Variants in CATSPERD observed in about 807,000 individuals in gnomAD.
CATSPERD encodes the protein catsper channel auxiliary subunit delta.
Under a neutral mutation model 98.1 loss-of-function variants are expected in CATSPERD, and 86 were observed. The observed-to-expected ratio is 0.88, with a 90% CI of 0.74 to 1.05. CATSPERD has a LOEUF of 1.05. CATSPERD is among the 50% of genes least tolerant of loss of function. The pLI is 0.00. For synonymous variants in CATSPERD, 394 were observed against 390.2 expected, an observed-to-expected ratio of 1.01 and a Z score of -0.12; for missense variants, 995 against 1,005.7, an observed-to-expected ratio of 0.99 and a Z score of 0.14.
At chr19:5,750,255 T>C (rs369707780) in intron 11 of CATSPERD, among the ~76,000 whole-genome samples, 18 of 149,862 alleles carry the variant, frequency 1.2e-4, no homozygotes, top group South Asian at 2.1e-4. Flanking sequence ...GTGACCATCC[T>C]GGCTAACACG....
Position 5,720,637 on chromosome 19 carries a change from A to ATT in CATSPERD, c.-100_-99dup, listed in dbSNP as rs1009156007. ...GCGCGGAGGCCCGCTCCCGGGACTC[A>ATT]TTGATGCGCATGCGCAGGGCTTCAG... is the stretch of plus-strand genomic sequence containing the variant. On this transcript the variant is annotated 5_prime_UTR_variant, in exon 1 of 22. Coordinates refer to ENST00000381624, the MANE Select transcript of CATSPERD (RefSeq NM_152784.4). 8.4e-7 allele frequency: 1 copy of ATT among 1,192,588 alleles called. No individual in the cohort carries two copies. The highest frequency in any genetic ancestry group is 1.5e-5 in the African/African-American group (1 of 66,468). 73.9% of individuals were successfully genotyped at this position (1,192,588 alleles called of 1,614,324 possible).
Position 5,761,469 on chromosome 19 carries a change from A to C in CATSPERD, c.1428-1746A>C, listed in dbSNP as rs58364693. ...GCTGGCTGGCTGCCTGGCTGGCTGG[A>C]TGGTGTATTAGTCTGTTTTCACAGT... On this transcript the variant is annotated intron_variant, in intron 15 of 21. Coordinates refer to ENST00000381624, the MANE Select transcript of CATSPERD (RefSeq NM_152784.4). 6.6e-3 allele frequency among the ~76,000 whole-genome samples: 978 copies of C among 147,236 alleles called. 9 individuals carry two copies. Among genetic ancestry groups the C allele is most frequent in the East Asian group, 0.022 (107 of 4,794 alleles).
chr19:5,768,260 C>G lies in CATSPERD; in HGVS notation c.1634+18C>G, dbSNP rs748756950. 4.4e-6 allele frequency: 7 copies of G among 1,607,928 alleles called. No homozygotes were observed. Among genetic ancestry groups the G allele is most frequent in the African/African-American group, 1.3e-5 (1 of 74,822 alleles). Reference sequence around the variant, plus strand: ...ATCGAGAAGTAAGCCAGCGTCCCCCCGCAACACCTGACACCCAAGGCGACC... The same window carrying G: ...ATCGAGAAGTAAGCCAGCGTCCCCCGGCAACACCTGACACCCAAGGCGACC... On this transcript the variant is annotated intron_variant, in intron 18 of 21. Coordinates refer to ENST00000381624, the MANE Select transcript of CATSPERD (RefSeq NM_152784.4).
chr19:5,751,584 A>T, intron 11 of CATSPERD, 63 bp from the exon 12 acceptor site: 1 of 848,974 alleles, frequency 1.2e-6, no homozygotes, highest in South Asian at 3.2e-5. Context: ...ATCATGAAAT[A>T]AAATTTAAAC....
chr19:5,764,916 T>G (rs1053803633), intron 16 of CATSPERD, among the ~76,000 whole-genome samples: 1 of 151,406 alleles, frequency 6.6e-6, no homozygotes, highest in African/African-American at 2.4e-5. Flanking sequence ...CACCTGGCTG[T>G]TTTTTATTTG....
At chr19:5,767,178 G>C (rs1244336899) in intron 17 of CATSPERD, among the ~76,000 whole-genome samples, 1 of 150,028 alleles carries the variant, frequency 6.7e-6, no homozygotes, top group Non-Finnish European at 1.5e-5. Context: ...TTAGCCGGGC[G>C]CATTGGCGGG....
At chr19:5,750,902 C>T (rs2056200222) in intron 11 of CATSPERD, among the ~76,000 whole-genome samples, 1 of 149,380 alleles carries the variant, frequency 6.7e-6, no homozygotes, top group Admixed American at 6.8e-5. Context: ...CTTTTTCTTT[C>T]TTCCCTCTAC....
At chr19:5,734,656 C>A (rs2055806654) in intron 5 of CATSPERD, among the ~76,000 whole-genome samples, 1 of 150,536 alleles carries the variant, frequency 6.6e-6, no homozygotes, top group African/African-American at 2.4e-5. Context: ...AAAAAATTAG[C>A]TGGGTGTGGT....
chr19:5,761,398 G>A (rs1002626214), intron 15 of CATSPERD, among the ~76,000 whole-genome samples: 10 of 152,132 alleles, frequency 6.6e-5, no homozygotes, highest in African/African-American at 1.9e-4. Flanking sequence ...CACCGCACCC[G>A]GCCAGTGTTC....
intron 4 of CATSPERD, among the ~76,000 whole-genome samples, chr19:5,730,349 C>A (rs2055689390): frequency 6.6e-6 from 1 of 150,628 alleles, no homozygotes; most frequent in Non-Finnish European, 1.5e-5. Context: ...CTGAGACCAT[C>A]CTGGCCAACA....
At chr19:5,769,616 A>G (rs551382721) in intron 18 of CATSPERD, among the ~76,000 whole-genome samples, 2 of 152,226 alleles carry the variant, frequency 1.3e-5, no homozygotes, top group African/African-American at 4.8e-5. Flanking sequence ...TGAGCCCTCA[A>G]ATGCAAGTCA....
chr19:5,763,213 A>G lies in CATSPERD; in HGVS notation c.1428-2A>G. The G allele has an allele frequency of 6.2e-7, 1 of 1,613,854 alleles. No individual in the cohort carries two copies. The highest frequency in any genetic ancestry group is 8.5e-7 in the Non-Finnish European group (1 of 1,179,780). On this transcript the variant is annotated splice_acceptor_variant, in intron 15 of 21. Transcript: ENST00000381624. LOFTEE classifies it high-confidence loss of function. ...AATAACACAGGTTCCGTTGCCTTGC[A>G]GTTTAAAGAAAGCCACCATGTCTAC...
At position 5,724,825 on chromosome 19, in the gene CATSPERD, C is replaced by T. The variant is rs1285006703; in HGVS notation, c.89C>T (p.Thr30Ile). ...ACTTCTAGTTCTCGCACAGTGAGGA[C>T]AGGAAAAGTGTTTAATCTGATACAG... ...AQLCRSRTVR[T>I]GKVFNLIQDV... The change falls in exon 2 of 22, where the codon ACA (threonine) becomes ATA (isoleucine). Residue 30 changes from threonine (T) to isoleucine (I), a missense_variant. This residue lies in a region of CATSPERD where 228 missense variants were observed against 209.6 expected (regional missense o/e 1.09). Transcript: ENST00000381624. The T allele has an allele frequency of 6.2e-7, 1 of 1,614,076 alleles. No homozygotes were observed.
chr19:5,749,273 C>T, intron 11 of CATSPERD, 90 bp downstream of exon 11: 1 of 857,726 alleles, frequency 1.2e-6, no homozygotes, highest in South Asian at 1.6e-5. Context: ...GGAAGGATCA[C>T]CTGAGGTCAG....
At chr19:5,768,010 C>A (rs2056575237) in intron 17 of CATSPERD, among the ~76,000 whole-genome samples, 158 bp from the exon 18 acceptor site, 1 of 152,058 alleles carries the variant, frequency 6.6e-6, no homozygotes, top group Non-Finnish European at 1.5e-5. Context: ...GTTGGCCAGG[C>A]TGGTCTCCAA....
chr19:5,754,847 CT>C (rs34200755), intron 13 of CATSPERD, among the ~76,000 whole-genome samples: 156 of 137,756 alleles, frequency 1.1e-3, no homozygotes, highest in South Asian at 3.9e-3. Flanking sequence ...TCTTCTTCTT[CT>C]TTTTTTTTTT....
intron 20 of CATSPERD, among the ~76,000 whole-genome samples, chr19:5,773,884 C>T (rs565772336): frequency 6.6e-6 from 1 of 151,862 alleles, no homozygotes; most frequent in East Asian, 1.9e-4. Context: ...TGTATCTTCC[C>T]GGGACACAAT....
intron 15 of CATSPERD, among the ~76,000 whole-genome samples, chr19:5,762,995 T>C (rs2056471495): frequency 6.6e-6 from 1 of 150,824 alleles, no homozygotes; most frequent in South Asian, 2.1e-4. Flanking sequence ...ATGGAATGGA[T>C]GGATAAATGC....
chr19:5,745,614 C>T (rs2056078603), intron 8 of CATSPERD, among the ~76,000 whole-genome samples: 1 of 151,840 alleles, frequency 6.6e-6, no homozygotes, highest in South Asian at 2.1e-4. Flanking sequence ...GAGCCAGACT[C>T]CACCTCAAAA....
Sources: gnomAD v4.1 joint callset for allele counts (sites outside exome capture counted in the v4.1 genomes callset) on GRCh38, gnomAD v4.1.1 for gene constraint, gnomAD v4.1.1 regional missense constraint, MANE v1.5 for transcripts, NCBI Gene and HGNC (gene_info 2026-07-23, HGNC 2026-07-21) for gene names.